The following ANKHD1 variants were observed in gnomAD, a reference collection of about 807,000 sequenced individuals.
ANKHD1 encodes the protein ankyrin repeat and KH domain-containing protein 1.
A neutral mutation model predicts 230.5 loss-of-function variants in ANKHD1; 31 were observed. The ratio of observed to expected loss-of-function variants is 0.13; its 90% CI spans 0.10 to 0.18. The LOEUF (loss-of-function observed/expected upper bound fraction) is 0.18, where lower values mean the gene tolerates loss of function less well. ANKHD1 is among the 10% of genes least tolerant of loss of function. The pLI is 1.00. For missense variants in ANKHD1, 2,256 were observed against 3,071.3 expected (o/e 0.73, Z 6.27); for synonymous variants, 1,074 against 1,117.6 (o/e 0.96, Z 0.78).
At chr5:140,499,993 C>T (rs941451353) in intron 15 of ANKHD1, among the ~76,000 whole-genome samples, 3 of 151,790 alleles carry the variant, frequency 2.0e-5, no homozygotes, top group South Asian at 4.2e-4. Context: ...CTCAGCATTC[C>T]GAGTAACTGG....
At chr5:140,528,153 G>GTTTTTT in intron 28 of ANKHD1, 31 bp from the exon 29 acceptor site, 1 of 1,525,814 alleles carries the variant, frequency 6.6e-7, no homozygotes, top group Non-Finnish European at 8.7e-7. Context: ...TAATGTTTTT[G>GTTTTTT]GTCTTGTTTC....
chr5:140,442,227 G>A (rs1773912374), intron 5 of ANKHD1, among the ~76,000 whole-genome samples: 1 of 151,612 alleles, frequency 6.6e-6, no homozygotes, highest in African/African-American at 2.4e-5. Flanking sequence ...TTTTTTAGTA[G>A]AGACGGGGGT....
chr5:140,456,062 C>T (rs1775159225), intron 7 of ANKHD1, among the ~76,000 whole-genome samples: 1 of 152,142 alleles, frequency 6.6e-6, no homozygotes, highest in Admixed American at 6.5e-5. Context: ...CATTCTTATA[C>T]ACCAATAACA....
In ANKHD1 at chr5:140,485,397, AACACACACACACAC is replaced by A. The variant is rs55859898; in HGVS notation, c.1998+166_1999-162del. The A allele has an allele frequency of 3.2e-5, 21 of 665,736 alleles. No homozygotes were observed. In the Middle Eastern group the frequency reaches 1.8e-3, roughly 58 times the overall value. 41.2% of individuals were successfully genotyped at this position (665,736 alleles called of 1,614,324 possible). A position where few individuals can be genotyped will look rare whatever the true frequency, so the allele number is the denominator to read the frequency against. ...CATAAGGAGACCCCATCTCTATTAA[AACACACACACACAC>A]ACACACACACACACACGTATGTATG... On this transcript the variant is annotated intron_variant, in intron 12 of 33. Coordinates refer to ENST00000360839, the MANE Select transcript of ANKHD1 (RefSeq NM_017747.3). The surrounding 1 kb of genome is among the most constrained non-coding windows in gnomAD (Gnocchi z 4.8).
intron 10 of ANKHD1, chr5:140,472,415 G>C: frequency 7.0e-7 from 1 of 1,434,220 alleles, no homozygotes; most frequent in Non-Finnish European, 9.2e-7. Context: ...GGTGACAAAG[G>C]AAATCCTCTT....
At chr5:140,513,615 C>A in intron 24 of ANKHD1, 136 bp downstream of exon 24, 3 of 764,526 alleles carry the variant, frequency 3.9e-6, no homozygotes, top group Non-Finnish European at 5.9e-6. Context: ...TCAAGACCAG[C>A]CTTGCTAACA....
intron 2 of ANKHD1, among the ~76,000 whole-genome samples, chr5:140,437,846 C>G (rs9325139): frequency 6.6e-6 from 1 of 152,186 alleles, no homozygotes; most frequent in East Asian, 1.9e-4. Flanking sequence ...TTGTCAATTT[C>G]ATAAATGAAA....
At chr5:140,419,820 TTC>T (rs1008194493) in intron 1 of ANKHD1, among the ~76,000 whole-genome samples, 14 of 123,790 alleles carry the variant, frequency 1.1e-4, no homozygotes, top group East Asian at 2.5e-4. Flanking sequence ...CTTTCTTTCT[TTC>T]TTTCTTTCTT....
intron 1 of ANKHD1, among the ~76,000 whole-genome samples, chr5:140,429,388 A>T (rs1772841954): frequency 6.6e-6 from 1 of 152,162 alleles, no homozygotes. Context: ...CACTGCGCCC[A>T]GCCTGGCCTA....
At chr5:140,404,594 G>A (rs1770262890) in intron 1 of ANKHD1, among the ~76,000 whole-genome samples, 1 of 151,716 alleles carries the variant, frequency 6.6e-6, no homozygotes, top group Non-Finnish European at 1.5e-5. Flanking sequence ...TACCACGACT[G>A]GCTAATTTTT....
chr5:140,536,345 C>T (rs1754073355), intron 30 of ANKHD1, among the ~76,000 whole-genome samples: 1 of 152,242 alleles, frequency 6.6e-6, no homozygotes, highest in African/African-American at 2.4e-5. Flanking sequence ...CCACCTGCCT[C>T]AGCCTCCCAA....
intron 5 of ANKHD1, among the ~76,000 whole-genome samples, chr5:140,443,690 A>G (rs1340027027): frequency 1.3e-5 from 2 of 152,000 alleles, no homozygotes; most frequent in East Asian, 1.9e-4. Flanking sequence ...TAAAAAAAAA[A>G]AAAAAAGAAA....
chr5:140,411,044 GT>G (rs1187342177), intron 1 of ANKHD1, among the ~76,000 whole-genome samples: 3 of 152,152 alleles, frequency 2.0e-5, no homozygotes, highest in Non-Finnish European at 4.4e-5. Context: ...ACCAAATGCT[GT>G]TTTTTAAATA....
chr5:140,535,588 A>T (rs767807997), intron 30 of ANKHD1, 50 bp downstream of exon 30: 7 of 1,518,094 alleles, frequency 4.6e-6, no homozygotes, highest in Non-Finnish European at 6.2e-6. Flanking sequence ...TAAGTTATTA[A>T]ATCATTTATT....
At chr5:140,518,624 C>T (rs985944681) in intron 24 of ANKHD1, among the ~76,000 whole-genome samples, 4 of 152,096 alleles carry the variant, frequency 2.6e-5, no homozygotes, top group Admixed American at 2.6e-4. Flanking sequence ...GGATGCAAGG[C>T]TGGTTCAGTA....
intron 33 of ANKHD1, 73 bp from the exon 34 acceptor site, chr5:140,539,286 C>T: frequency 6.2e-7 from 1 of 1,603,102 alleles, no homozygotes; most frequent in South Asian, 1.1e-5. Context: ...ATTGCCATTG[C>T]ATTTATATAT....
intron 1 of ANKHD1, among the ~76,000 whole-genome samples, chr5:140,410,953 A>C (rs2126847037): frequency 6.6e-6 from 1 of 152,310 alleles, no homozygotes; most frequent in East Asian, 1.9e-4. Context: ...TGACTGGTAA[A>C]GGTGGGATTT....
At chr5:140,538,848 A>G (rs558147577) in intron 32 of ANKHD1, 71 bp from the exon 33 acceptor site, 5 of 1,343,134 alleles carry the variant, frequency 3.7e-6, no homozygotes, top group Admixed American at 3.4e-5. Flanking sequence ...CTAAGCTGGT[A>G]TTATGGGATT....
chr5:140,438,030 C>G (rs75375491), intron 2 of ANKHD1, among the ~76,000 whole-genome samples: 2 of 151,884 alleles, frequency 1.3e-5, no homozygotes, highest in South Asian at 2.1e-4. Flanking sequence ...TGGTTGTGAC[C>G]AAAGGAAGAA....
Sources: gnomAD v4.1 joint callset for allele counts (sites outside exome capture counted in the v4.1 genomes callset) on GRCh38, gnomAD v4.1.1 for gene constraint, Gnocchi (gnomAD v3.1) non-coding constraint, MANE v1.5 for transcripts, NCBI Gene and HGNC (gene_info 2026-07-23, HGNC 2026-07-21) for gene names.